Variants in SPON1 observed in about 807,000 individuals in gnomAD.
SPON1 encodes the protein spondin-1.
Under a neutral mutation model 111.7 loss-of-function variants are expected in SPON1, and 52 were observed. That is an observed-to-expected ratio of 0.47 (90% confidence interval 0.37 to 0.59). The LOEUF is 0.59. Ranked by LOEUF, SPON1 falls within the 20% of genes least tolerant of loss-of-function variation. SPON1 has a pLI of 0.00. For missense variants in SPON1, 957 were observed against 1,068.5 expected (o/e 0.90, Z 1.46); for synonymous variants, 410 against 395.8 (o/e 1.04, Z -0.43).
Position 14,113,568 on chromosome 11 carries a change from A to ATTTTTTTT in SPON1, c.677-21807_677-21800dup, listed in dbSNP as rs782780924. On this transcript the variant is annotated intron_variant, in intron 5 of 15. Coordinates refer to ENST00000576479, the MANE Select transcript of SPON1 (RefSeq NM_006108.4). ...AAGTCACCTCCTATGTACTTTTTAA[A>ATTTTTTTT]TTTTTTTTTTTTTTTTTTTTTTTTT... 3.5e-4 allele frequency among the ~76,000 whole-genome samples: 26 copies of ATTTTTTTT among 74,746 alleles called. 5 individuals carry two copies. The highest frequency in any genetic ancestry group is 5.3e-4 in the Non-Finnish European group (20 of 37,764). 49.0% of individuals were successfully genotyped at this position (74,746 alleles called of 152,430 possible). A position where few individuals can be genotyped will look rare whatever the true frequency, so the allele number is the denominator to read the frequency against.
intron 6 of SPON1, among the ~76,000 whole-genome samples, chr11:14,160,183 T>A (rs1043543375): frequency 7.3e-5 from 11 of 150,558 alleles, no homozygotes; most frequent in East Asian, 5.9e-4. Flanking sequence ...AAAATTTTTT[T>A]AAATTTTTTT....
At chr11:14,149,465 T>C (rs1253607025) in intron 6 of SPON1, among the ~76,000 whole-genome samples, 1 of 152,184 alleles carries the variant, frequency 6.6e-6, no homozygotes, top group Non-Finnish European at 1.5e-5. Flanking sequence ...AAAGTTAGAA[T>C]AAGCTAAGGT....
Position 14,063,487 on chromosome 11 carries a change from A to G in SPON1, c.480-11858A>G, listed in dbSNP as rs976543587. 3.3e-5 allele frequency among the ~76,000 whole-genome samples: 5 copies of G among 151,798 alleles called. No homozygotes were observed. The East Asian group carries it at 9.7e-4, about 29-fold the overall frequency. ...TCTTGTAGCTGAAAATATTTCTGTGAGAAAGATTAGGAAACAGGACAGATC... is the reference window on the plus strand; with the variant it reads ...TCTTGTAGCTGAAAATATTTCTGTGGGAAAGATTAGGAAACAGGACAGATC... On this transcript the variant is annotated intron_variant, in intron 3 of 15. Coordinates refer to ENST00000576479, the MANE Select transcript of SPON1 (RefSeq NM_006108.4).
intron 6 of SPON1, among the ~76,000 whole-genome samples, chr11:14,190,782 AGG>A (rs1410475352): frequency 2.0e-5 from 3 of 151,656 alleles, no homozygotes; most frequent in African/African-American, 7.3e-5. Context: ...CTAGGATTAA[AGG>A]GGCCCGCCAC....
At position 14,070,970 on chromosome 11, in the gene SPON1, A is replaced by T. The variant is rs573870362; in HGVS notation, c.480-4375A>T. 2.4e-4 allele frequency among the ~76,000 whole-genome samples: 36 copies of T among 152,268 alleles called. No homozygotes were observed. The East Asian group carries it at 6.6e-3, about 28-fold the overall frequency. On this transcript the variant is annotated intron_variant, in intron 3 of 15. Coordinates refer to ENST00000576479, the MANE Select transcript of SPON1 (RefSeq NM_006108.4). ...AGTTTGAGAAGATAACATACTGAGG[A>T]ATTTAATTTAGATTTCCTTAACATG...
intron 3 of SPON1, among the ~76,000 whole-genome samples, chr11:14,048,952 T>G (rs146490541): frequency 6.6e-6 from 1 of 152,318 alleles, no homozygotes; most frequent in African/African-American, 2.4e-5. Flanking sequence ...AAATTCATTC[T>G]TAGGAAACAG....
At chr11:14,045,046 T>C (rs77158810) in intron 3 of SPON1, among the ~76,000 whole-genome samples, 1,691 of 152,316 alleles carry the variant, frequency 0.011, 31 homozygotes, top group African/African-American at 0.039. Flanking sequence ...CCACAGTAGA[T>C]GCCAAGAAAT....
At chr11:14,074,173 A>G (rs1848898827) in intron 3 of SPON1, among the ~76,000 whole-genome samples, 1 of 152,246 alleles carries the variant, frequency 6.6e-6, no homozygotes, top group Non-Finnish European at 1.5e-5. Context: ...GTAGACAGGA[A>G]GCATATTTCA....
At chr11:14,160,979 ATATTTATATATATTTT>A (rs1847939703) in intron 6 of SPON1, among the ~76,000 whole-genome samples, 7 of 84,984 alleles carry the variant, frequency 8.2e-5, no homozygotes, top group Non-Finnish European at 1.4e-4. Context: ...ATATTTTTAT[ATATTTATATATATTTT>A]TATATATTTA....
At chr11:13,965,673 G>A (rs1848010517) in intron 1 of SPON1, among the ~76,000 whole-genome samples, 1 of 152,164 alleles carries the variant, frequency 6.6e-6, no homozygotes, top group Admixed American at 6.5e-5. Context: ...CAGGAACCAT[G>A]CTGAGGTTTT....
intron 6 of SPON1, among the ~76,000 whole-genome samples, chr11:14,181,792 T>C (rs1275089633): frequency 6.6e-6 from 1 of 152,222 alleles, no homozygotes; most frequent in Non-Finnish European, 1.5e-5. Context: ...TCCTATTGTA[T>C]TTGCTAAAAT....
rs1554933441 is a variant in SPON1, at chr11:14,179,103, T to C, written c.825+43535T>C. ...TCTCTATTTGTACTGATCTCCTTTT[T>C]TCAGTTCATTGCACCACAACTCAGT... On this transcript the variant is annotated intron_variant, in intron 6 of 15. Transcript: ENST00000576479. 2.6e-5 allele frequency among the ~76,000 whole-genome samples: 4 copies of C among 152,306 alleles called. No homozygotes were observed. In the South Asian group the frequency reaches 8.3e-4, roughly 32 times the overall value.
chr11:14,118,793 G>A (rs1849283834), intron 5 of SPON1, among the ~76,000 whole-genome samples: 1 of 152,150 alleles, frequency 6.6e-6, no homozygotes, highest in Non-Finnish European at 1.5e-5. Context: ...GGAGTAGAAA[G>A]GGCAAGGCCT....
At chr11:14,028,032 G>A (rs1554915583) in intron 2 of SPON1, among the ~76,000 whole-genome samples, 1 of 152,198 alleles carries the variant, frequency 6.6e-6, no homozygotes, top group African/African-American at 2.4e-5. Flanking sequence ...TAAGGGTACA[G>A]TGTGTTAAAT....
intron 1 of SPON1, among the ~76,000 whole-genome samples, chr11:13,968,814 G>A (rs971342576): frequency 8.5e-5 from 13 of 152,228 alleles, no homozygotes; most frequent in Middle Eastern, 3.4e-3. Flanking sequence ...AACACACTCC[G>A]TTGGCAAAAA....
chr11:14,172,897 C>A (rs1484715602), intron 6 of SPON1, among the ~76,000 whole-genome samples: 1 of 151,908 alleles, frequency 6.6e-6, no homozygotes, highest in African/African-American at 2.4e-5. Flanking sequence ...TGTGGGTAAC[C>A]TGACCTTTCT....
chr11:14,212,046 A>G (rs1848582108), intron 6 of SPON1, among the ~76,000 whole-genome samples: 3 of 152,136 alleles, frequency 2.0e-5, no homozygotes, highest in Admixed American at 2.0e-4. Flanking sequence ...TAAAGGTTTT[A>G]TCAATTTTTC....
chr11:14,160,455 T>TTTA (rs1564918895), intron 6 of SPON1, among the ~76,000 whole-genome samples: 90 of 7,616 alleles, frequency 0.012, 7 homozygotes, highest in African/African-American at 0.044. Flanking sequence ...ATATATATAT[T>TTTA]TATATATATA....
At chr11:14,160,905 TTATATATATATTTATA>T (rs1847933235) in intron 6 of SPON1, among the ~76,000 whole-genome samples, 2 of 33,758 alleles carry the variant, frequency 5.9e-5, no homozygotes, top group Non-Finnish European at 5.1e-5. Flanking sequence ...ATTTATATAT[TTATATATATATTTATA>T]TATTTATATA....
Sources: gnomAD v4.1 joint callset for allele counts (sites outside exome capture counted in the v4.1 genomes callset) on GRCh38, gnomAD v4.1.1 for gene constraint, MANE v1.5 for transcripts, NCBI Gene and HGNC (gene_info 2026-07-23, HGNC 2026-07-21) for gene names.